GAK: variants seen among roughly 807,000 people sequenced by gnomAD.
The protein encoded by GAK is cyclin G associated kinase.
In GAK, 79 loss-of-function variants were observed where a neutral mutation model predicts 143.9. That is an observed-to-expected ratio of 0.55 (90% CI 0.46 to 0.66). GAK has a LOEUF of 0.66. Ranked by LOEUF, GAK falls within the 30% of genes least tolerant of loss-of-function variation. The probability of loss-of-function intolerance (pLI) is 0.00; values close to 1 mark genes in which losing one functional copy is unlikely to be tolerated. For missense variants in GAK, 1,693 were observed against 1,779.7 expected (o/e 0.95, Z 0.88); for synonymous variants, 881 against 765.5 (o/e 1.15, Z -2.49).
At chr4:912,872 T>C (rs1722285320) in intron 2 of GAK, 78 bp from the exon 3 acceptor site, 3 of 1,246,100 alleles carry the variant, frequency 2.4e-6, no homozygotes, top group Non-Finnish European at 3.5e-6. Context: ...ATCTCAGACA[T>C]AAGCACGCAA....
At chr4:852,292 T>G in intron 24 of GAK, 1 of 396,210 alleles carries the variant, frequency 2.5e-6, no homozygotes, top group Non-Finnish European at 4.6e-6. Flanking sequence ...TGGGGCAGTG[T>G]CCCCACGTCA....
intron 9 of GAK, among the ~76,000 whole-genome samples, chr4:891,679 C>G (rs1420828464): frequency 2.0e-5 from 3 of 152,302 alleles, no homozygotes; most frequent in Non-Finnish European, 2.9e-5. Flanking sequence ...AAGAATCCCT[C>G]CAGCGCACTC....
chr4:852,823 C>G (rs552511297), intron 24 of GAK: 2 of 152,288 alleles, frequency 1.3e-5, no homozygotes, highest in Non-Finnish European at 2.9e-5. Flanking sequence ...CAGCATCCCC[C>G]AGGGAGGGCG....
chr4:865,944 G>A (rs1229309680), intron 22 of GAK, among the ~76,000 whole-genome samples: 3 of 152,242 alleles, frequency 2.0e-5, no homozygotes, highest in South Asian at 2.1e-4. Context: ...GGTGCCCCAC[G>A]GCCCCTGCTA....
chr4:880,655 C>A (rs1212006351), intron 15 of GAK, among the ~76,000 whole-genome samples: 2 of 152,170 alleles, frequency 1.3e-5, no homozygotes, highest in Non-Finnish European at 2.9e-5. Flanking sequence ...CTTCTGGGGT[C>A]CAGTTACGTC....
intron 23 of GAK, among the ~76,000 whole-genome samples, chr4:863,652 G>A (rs1005699997): frequency 2.0e-5 from 3 of 152,208 alleles, no homozygotes; most frequent in Admixed American, 6.5e-5. Flanking sequence ...GATCAGGATC[G>A]TTAGCATTTT....
intron 1 of GAK, among the ~76,000 whole-genome samples, chr4:922,996 A>G (rs1724141715): frequency 6.6e-6 from 1 of 152,152 alleles, no homozygotes; most frequent in African/African-American, 2.4e-5. Flanking sequence ...CAATTACCTG[A>G]AGAATTCTGC....
intron 7 of GAK, 71 bp from the exon 8 acceptor site, chr4:894,080 A>AGGGGTGATGCCCGGGCCTGCGGGGAGC (rs1718241101): frequency 7.2e-7 from 1 of 1,382,998 alleles, no homozygotes; most frequent in Non-Finnish European, 9.4e-7. Flanking sequence ...CTGCGGGGAG[A>AGGGGTGATGCCCGGGCCTGCGGGGAGC]GCAGGGGTGA....
rs779297995 is a variant in GAK, at chr4:898,162, T to C, written c.526-4A>G. Reference sequence around the variant, plus strand: ...TACTAAGCAACAAGTTCTCAACCTGTAAAATTCCACAAGACAGCCCCGTGA... The same window carrying C: ...TACTAAGCAACAAGTTCTCAACCTGCAAAATTCCACAAGACAGCCCCGTGA... On this transcript the variant is annotated splice_polypyrimidine_tract_variant and splice_region_variant and intron_variant, in intron 5 of 27. Transcript: ENST00000314167. 1 of 1,613,818 alleles carries C rather than the reference T, an allele frequency of 6.2e-7. No individual in the cohort carries two copies. Among genetic ancestry groups the C allele is most frequent in the Non-Finnish European group, 8.5e-7 (1 of 1,179,806 alleles).
intron 24 of GAK, among the ~76,000 whole-genome samples, chr4:855,336 TA>T (rs773175977): frequency 1.7e-3 from 237 of 141,852 alleles, no homozygotes; most frequent in Non-Finnish European, 1.8e-3. Flanking sequence ...TTATTTTTTC[TA>T]AAAAAAAAAA....
chr4:899,679 G>T (rs1201332418), intron 5 of GAK, among the ~76,000 whole-genome samples: 3 of 152,330 alleles, frequency 2.0e-5, no homozygotes, highest in Admixed American at 6.5e-5. Flanking sequence ...ACAGCAAAGT[G>T]CAGAGCCGTG....
At chr4:856,271 G>C (rs1749139321) in intron 24 of GAK, among the ~76,000 whole-genome samples, 1 of 132,174 alleles carries the variant, frequency 7.6e-6, no homozygotes, top group African/African-American at 3.2e-5. Context: ...GCTCACAACT[G>C]CTCACACCTC....
At chr4:854,912 G>A (rs570589734) in intron 24 of GAK, among the ~76,000 whole-genome samples, 3 of 152,336 alleles carry the variant, frequency 2.0e-5, no homozygotes, top group African/African-American at 7.2e-5. Flanking sequence ...GGGCGTGGTG[G>A]CGGGTGCCTG....
In GAK at chr4:851,806, G is replaced by A. The variant is rs771564068; in HGVS notation, c.3452C>T (p.Ser1151Leu). ...CCGCGCCCCGATCACACTGAAGTTC[G>A]AGGCATAGTTAGGCCTTGGCTGTGT... is the stretch of plus-strand genomic sequence containing the variant. ...ACTQPRPNYA[S>L]NFSVIGAREE... is the part of the protein sequence containing the mutation. Residue 1151 changes from serine to leucine, a missense_variant, in exon 25 of 28, where the codon TCG becomes TTG. Physicochemically the swap from Ser to Leu is moderately radical, Grantham distance 145 (BLOSUM62 -2). Around this residue, in one of 2 missense-constraint regions of GAK, gnomAD observed 822 missense variants for 788.7 expected, o/e 1.04. Coordinates refer to ENST00000314167, the MANE Select transcript of GAK (RefSeq NM_005255.4). The A allele has an allele frequency of 4.3e-6, 7 of 1,612,230 alleles. No individual in the cohort carries two copies. The Admixed American group carries it at 8.4e-5, about 19-fold the overall frequency.
chr4:916,454 C>T (rs1419593000), intron 1 of GAK, among the ~76,000 whole-genome samples: 4 of 152,154 alleles, frequency 2.6e-5, no homozygotes, highest in Non-Finnish European at 4.4e-5. Flanking sequence ...GAGGTTTCGC[C>T]AAGTTGCCCA....
intron 22 of GAK, 66 bp from the exon 23 acceptor site, chr4:865,310 G>A (rs1443776551): frequency 7.5e-6 from 12 of 1,600,206 alleles, no homozygotes; most frequent in African/African-American, 4.0e-5. Flanking sequence ...GTGGCGGGGC[G>A]CCAGGCTGTG....
At chr4:908,534 A>G (rs1300748488) in intron 4 of GAK, among the ~76,000 whole-genome samples, 3 of 152,216 alleles carry the variant, frequency 2.0e-5, no homozygotes, top group Admixed American at 6.5e-5. Context: ...ACAGGGGCCA[A>G]CACCTGTAAT....
chr4:912,391 G>A (rs1722206177), intron 3 of GAK: 1 of 374,336 alleles, frequency 2.7e-6, no homozygotes, highest in South Asian at 2.1e-5. Flanking sequence ...CATCTGCACG[G>A]CTCTCAGCCA....
chr4:893,585 C>A, intron 8 of GAK, 96 bp from the exon 9 acceptor site: 1 of 842,002 alleles, frequency 1.2e-6, no homozygotes, highest in Middle Eastern at 2.3e-4. Flanking sequence ...GAGGCCACTC[C>A]CTCTACACAC....
Sources: allele counts gnomAD v4.1 joint callset (sites outside exome capture counted in the v4.1 genomes callset), GRCh38; gene constraint gnomAD v4.1.1; regional missense constraint gnomAD v4.1.1; transcripts MANE v1.5; gene names NCBI Gene and HGNC (gene_info 2026-07-23, HGNC 2026-07-21).